ARHGAP26: variants seen among roughly 807,000 people sequenced by gnomAD.
ARHGAP26 encodes the protein Rho GTPase activating protein 26.
Under a neutral mutation model 104.8 loss-of-function variants are expected in ARHGAP26, and 38 were observed. That is an observed-to-expected ratio of 0.36 (90% CI 0.28 to 0.48). The LOEUF (loss-of-function observed/expected upper bound fraction) is 0.48, where lower values mean the gene tolerates loss of function less well. Ranked by LOEUF, ARHGAP26 falls within the 20% of genes least tolerant of loss-of-function variation. ARHGAP26 has a pLI of 0.99. For missense variants in ARHGAP26, 704 were observed against 947.9 expected (o/e 0.74, Z 3.38); for synonymous variants, 341 against 340.0 (o/e 1.00, Z -0.03).
intron 1 of ARHGAP26, chr5:142,771,310 T>G: frequency 8.1e-7 from 1 of 1,234,204 alleles, no homozygotes. Flanking sequence ...TTGCTCAGCC[T>G]TGAGTGCCCA....
At chr5:143,063,604 T>A (rs1013753524) in intron 17 of ARHGAP26, among the ~76,000 whole-genome samples, 1 of 152,230 alleles carries the variant, frequency 6.6e-6, no homozygotes, top group Admixed American at 6.5e-5. Flanking sequence ...TAGACGCTCA[T>A]GAATATTTGT....
intron 21 of ARHGAP26, among the ~76,000 whole-genome samples, chr5:143,210,195 G>A (rs942197713): frequency 2.6e-5 from 4 of 152,196 alleles, no homozygotes; most frequent in Non-Finnish European, 5.9e-5. Context: ...GGCTGGGGAG[G>A]CCTCACAATC....
intron 1 of ARHGAP26, chr5:142,771,513 G>C (rs916537841): frequency 6.7e-6 from 6 of 889,966 alleles, no homozygotes; most frequent in African/African-American, 3.5e-5. Flanking sequence ...GAATCAGTAC[G>C]TGCGCAGGTT....
intron 12 of ARHGAP26, among the ~76,000 whole-genome samples, chr5:143,014,615 A>G (rs373805164): frequency 2.0e-5 from 3 of 152,136 alleles, no homozygotes; most frequent in Admixed American, 6.5e-5. Flanking sequence ...GATGAATTCT[A>G]TGGTAATATT....
intron 6 of ARHGAP26, among the ~76,000 whole-genome samples, chr5:142,899,324 G>T (rs1187796482): frequency 6.6e-6 from 1 of 152,178 alleles, no homozygotes; most frequent in Non-Finnish European, 1.5e-5. Context: ...TGACAATCCA[G>T]AGTGATGCAG....
chr5:143,039,348 C>A (rs1156786054), intron 13 of ARHGAP26, among the ~76,000 whole-genome samples: 4 of 143,558 alleles, frequency 2.8e-5, no homozygotes, highest in Non-Finnish European at 6.0e-5. Flanking sequence ...ACTGGCATTA[C>A]AGGCGCCTGC....
At chr5:142,840,536 T>C (rs1770560760) in intron 1 of ARHGAP26, among the ~76,000 whole-genome samples, 2 of 152,168 alleles carry the variant, frequency 1.3e-5, no homozygotes, top group Non-Finnish European at 2.9e-5. Flanking sequence ...TCAAGTCATG[T>C]GGAAAAGACA....
At chr5:143,062,520 T>G (rs1786862528) in intron 17 of ARHGAP26, among the ~76,000 whole-genome samples, 1 of 12,248 alleles carries the variant, frequency 8.2e-5, no homozygotes, top group South Asian at 1.0e-3. Context: ...GTAGCTTGGG[T>G]TTTTTTTTTT....
At chr5:142,927,662 A>G (rs1461568776) in intron 10 of ARHGAP26, among the ~76,000 whole-genome samples, 1 of 152,224 alleles carries the variant, frequency 6.6e-6, no homozygotes, top group Non-Finnish European at 1.5e-5. Flanking sequence ...TGGTGGACAT[A>G]TGCACTCATT....
intron 17 of ARHGAP26, among the ~76,000 whole-genome samples, chr5:143,076,690 G>C (rs1297441277): frequency 6.6e-6 from 1 of 152,100 alleles, no homozygotes; most frequent in Non-Finnish European, 1.5e-5. Context: ...GGATTATTTT[G>C]TGTGTCCAAA....
At chr5:143,035,346 T>C (rs988690945) in intron 12 of ARHGAP26, among the ~76,000 whole-genome samples, 4 of 152,190 alleles carry the variant, frequency 2.6e-5, no homozygotes, top group Non-Finnish European at 1.5e-5. Flanking sequence ...ATATGATGGA[T>C]TACTACTGAG....
chr5:142,977,183 A>G (rs905902785), intron 11 of ARHGAP26, among the ~76,000 whole-genome samples: 1 of 152,222 alleles, frequency 6.6e-6, no homozygotes, highest in African/African-American at 2.4e-5. Context: ...GAAAGAACAG[A>G]TGTTCCTCAT....
At chr5:143,037,413 A>C in intron 13 of ARHGAP26, 152 bp downstream of exon 13, 5 of 519,108 alleles carry the variant, frequency 9.6e-6, no homozygotes, top group Non-Finnish European at 1.6e-5. Flanking sequence ...TGTTGGTCTC[A>C]AGCAGGAGGT....
chr5:143,121,783 G>A (rs1796166337), intron 18 of ARHGAP26, among the ~76,000 whole-genome samples: 1 of 152,094 alleles, frequency 6.6e-6, no homozygotes, highest in African/African-American at 2.4e-5. Context: ...GTAAAACTGG[G>A]GAGGGGACAT....
intron 11 of ARHGAP26, among the ~76,000 whole-genome samples, chr5:142,982,507 A>G (rs1774089694): frequency 6.6e-6 from 1 of 152,194 alleles, no homozygotes; most frequent in South Asian, 2.1e-4. Context: ...GCTGCAGAAC[A>G]GGAATTATAC....
rs1402068557 is a variant in ARHGAP26, at chr5:143,147,242, A to G, written c.1849A>G (p.Asn617Asp). Reference protein sequence around the residue: ...VQSTEKQEQRNSIINSSLESV... With the variant: ...VQSTEKQEQRDSIINSSLESV... ...CTTTTCCCCCCCAGAGGAACAAAGG[A>G]ACAGCATCATCAACTCCAGTTTGGA... is the stretch of plus-strand genomic sequence containing the variant. Residue 617 changes from asparagine to aspartate, a missense_variant, in exon 20 of 23, where the codon AAC (asparagine) becomes GAC (aspartate). Asn to Asp is a conservative substitution (Grantham distance 23). This residue lies in a region of ARHGAP26 where 217 missense variants were observed against 242.6 expected (regional missense o/e 0.89). Transcript: ENST00000645722. 6.2e-7 allele frequency: 1 copy of G among 1,614,054 alleles called. No individual in the cohort carries two copies. The highest frequency in any genetic ancestry group is 8.5e-7 in the Non-Finnish European group (1 of 1,179,924).
rs149838329 is a variant in ARHGAP26, at chr5:142,879,072, C to G, written c.313-302C>G. Reference sequence around the variant, plus strand: ...ACCGAAGCTTGTAACTTAGACCCCACTCTTTTACCAGTTCCCCTCTGCCCC... The same window carrying G: ...ACCGAAGCTTGTAACTTAGACCCCAGTCTTTTACCAGTTCCCCTCTGCCCC... On this transcript the variant is annotated intron_variant, in intron 3 of 22. Coordinates refer to ENST00000645722, the MANE Select transcript of ARHGAP26 (RefSeq NM_001135608.3). Among the ~76,000 whole-genome samples the G allele has an allele frequency of 3.3e-3, 498 of 152,330 alleles. 6 individuals carry two copies. Among genetic ancestry groups the G allele is most frequent in the Non-Finnish European group, 3.7e-3 (250 of 68,028 alleles).
chr5:142,875,881 T>C (rs535410799), intron 3 of ARHGAP26, among the ~76,000 whole-genome samples: 2 of 152,316 alleles, frequency 1.3e-5, no homozygotes, highest in South Asian at 4.1e-4. Context: ...GCTAGGACTA[T>C]AGGTGTGCAC....
chr5:143,116,900 G>T (rs1286690147), intron 17 of ARHGAP26, among the ~76,000 whole-genome samples: 1 of 152,106 alleles, frequency 6.6e-6, no homozygotes. Flanking sequence ...CATGCCCCTC[G>T]GGAGATCCAC....
Sources: allele counts gnomAD v4.1 joint callset (sites outside exome capture counted in the v4.1 genomes callset), GRCh38; gene constraint gnomAD v4.1.1; regional missense constraint gnomAD v4.1.1; transcripts MANE v1.5; gene names NCBI Gene and HGNC (gene_info 2026-07-23, HGNC 2026-07-21).